The following GLI2 variants were observed in gnomAD, a reference collection of about 807,000 sequenced individuals.
GLI2 encodes GLI family zinc finger 2.
A neutral mutation model predicts 78.9 loss-of-function variants in GLI2; 22 were observed. The ratio of observed to expected loss-of-function variants is 0.28; its 90% CI spans 0.20 to 0.40. The LOEUF is 0.40. Among genes scored for constraint, GLI2 ranks in the 10% least tolerant of loss-of-function variants. GLI2 has a pLI of 1.00. For synonymous variants in GLI2, 974 were observed against 963.7 expected, an observed-to-expected ratio of 1.01 and a Z score of -0.20; for missense variants, 2,097 against 2,213.2, an observed-to-expected ratio of 0.95 and a Z score of 1.05.
At chr2:120,823,023 T>C (rs1685855725) in intron 2 of GLI2, among the ~76,000 whole-genome samples, 1 of 151,796 alleles carries the variant, frequency 6.6e-6, no homozygotes, top group Non-Finnish European at 1.5e-5. Flanking sequence ...TGCACAGAGG[T>C]GGATGTGAGA....
At chr2:120,970,684 T>A (rs987912469) in intron 7 of GLI2, 78 bp downstream of exon 7, 74 of 1,223,166 alleles carry the variant, frequency 6.0e-5, no homozygotes, top group Middle Eastern at 4.0e-4. Context: ...CAGCTCATGC[T>A]AAGAACTTGT....
chr2:120,923,523 C>A (rs1397809370), intron 2 of GLI2, among the ~76,000 whole-genome samples: 1 of 151,786 alleles, frequency 6.6e-6, no homozygotes, highest in East Asian at 1.9e-4. Flanking sequence ...CATATAACAT[C>A]CATGCATATG....
chr2:120,943,158 G>T (rs1222363848), intron 3 of GLI2, among the ~76,000 whole-genome samples: 1 of 152,230 alleles, frequency 6.6e-6, no homozygotes, highest in South Asian at 2.1e-4. Context: ...GCTCAGGTCA[G>T]AGGAAGGAGC....
intron 1 of GLI2, among the ~76,000 whole-genome samples, chr2:120,756,722 T>G (rs1325156441): frequency 6.6e-6 from 1 of 152,236 alleles, no homozygotes; most frequent in Non-Finnish European, 1.5e-5. Context: ...TGGTATCAGA[T>G]GACTTTCTTT....
chr2:120,916,241 C>T (rs1231950835), intron 2 of GLI2, among the ~76,000 whole-genome samples: 3 of 152,242 alleles, frequency 2.0e-5, no homozygotes, highest in African/African-American at 7.2e-5. Context: ...TGTATTACAT[C>T]ATGTGTTCCT....
intron 8 of GLI2, among the ~76,000 whole-genome samples, chr2:120,973,620 A>G (rs957103560): frequency 7.9e-5 from 12 of 152,150 alleles, no homozygotes; most frequent in African/African-American, 2.9e-4. Flanking sequence ...CACTCTCCCC[A>G]TGGTCTCACC....
At chr2:120,818,264 A>G (rs1284840210) in intron 2 of GLI2, among the ~76,000 whole-genome samples, 1 of 152,218 alleles carries the variant, frequency 6.6e-6, no homozygotes, top group African/African-American at 2.4e-5. Context: ...ACACCAGGAC[A>G]GCCAGTGGGT....
In GLI2 at chr2:120,988,235, G is replaced by C; in HGVS notation, c.2270G>C (p.Ser757Thr). Residue 757 changes from serine (S) to threonine (T), a missense_variant, in exon 14 of 14, where the codon AGT becomes ACT. By Grantham distance (58) the Ser-to-Thr change is moderately conservative (BLOSUM62 1). Coordinates refer to ENST00000361492, the MANE Select transcript of GLI2 (RefSeq NM_001374353.1). ...SGSILENFSG[S>T]GGGGPAGLLP... Reference sequence around the variant, plus strand: ...TCCATCCTGGAAAACTTCAGTGGCAGTGGGGGCGGCGGGCCCGCGGGGCTG... The same window carrying C: ...TCCATCCTGGAAAACTTCAGTGGCACTGGGGGCGGCGGGCCCGCGGGGCTG... 6.3e-7 allele frequency: 1 copy of C among 1,588,176 alleles called. No individual in the cohort carries two copies.
rs1462271727 is a variant in GLI2 at position 120,990,559 on chromosome 2, A to T, written c.4594A>T (p.Asn1532Tyr). ...QNSSRLTTPRNSLTLPSIPAG... is the reference protein window; with the variant it reads ...QNSSRLTTPRYSLTLPSIPAG... ...CTCCTCCCGCCTCACCACCCCCCGAAACTCCTTGACCCTGCCCTCCATCCC... is the reference window on the plus strand; with the variant it reads ...CTCCTCCCGCCTCACCACCCCCCGATACTCCTTGACCCTGCCCTCCATCCC... The change falls in exon 14 of 14, where the codon AAC (asparagine) becomes TAC (tyrosine). Residue 1532 changes from asparagine to tyrosine, a missense_variant. Coordinates refer to ENST00000361492, the MANE Select transcript of GLI2 (RefSeq NM_001374353.1). The T allele has an allele frequency of 3.7e-6, 6 of 1,613,676 alleles. No homozygotes were observed. The highest frequency in any genetic ancestry group is 3.3e-5 in the Admixed American group (2 of 59,972).
chr2:120,756,353 A>G lies in GLI2; in HGVS notation c.-31+20068A>G, dbSNP rs144774835. Among the ~76,000 whole-genome samples the G allele has an allele frequency of 3.9e-3, 591 of 152,248 alleles. 6 individuals carry two copies. Among genetic ancestry groups the G allele is most frequent in the Admixed American group, 2.2e-3 (34 of 15,302 alleles). On this transcript the variant is annotated intron_variant, in intron 1 of 13. Coordinates refer to ENST00000361492, the MANE Select transcript of GLI2 (RefSeq NM_001374353.1). ...ACTGTTGTGTTATTTTAAAATTTCA[A>G]TTTGCTAATATTAAAGAATATAATT...
At chr2:120,946,993 A>G (rs1573651619) in intron 3 of GLI2, among the ~76,000 whole-genome samples, 1 of 152,170 alleles carries the variant, frequency 6.6e-6, no homozygotes, top group East Asian at 1.9e-4. Flanking sequence ...CGGTCATCAC[A>G]ACATAGTGGG....
intron 2 of GLI2, among the ~76,000 whole-genome samples, chr2:120,916,214 A>G (rs535267865): frequency 1.3e-5 from 2 of 152,336 alleles, no homozygotes; most frequent in Admixed American, 6.5e-5. Flanking sequence ...GTGCTTCATC[A>G]TGTACCTCTT....
chr2:120,759,804 G>A (rs1202655718), intron 1 of GLI2, among the ~76,000 whole-genome samples: 3 of 152,184 alleles, frequency 2.0e-5, no homozygotes, highest in Non-Finnish European at 2.9e-5. Flanking sequence ...TGGATTTTCA[G>A]GTGACCGGCT....
intron 2 of GLI2, among the ~76,000 whole-genome samples, chr2:120,801,454 A>G (rs1220019030): frequency 6.6e-6 from 1 of 152,140 alleles, no homozygotes; most frequent in African/African-American, 2.4e-5. Flanking sequence ...TGAGTTCTTT[A>G]TATCTGTGAA....
chr2:120,753,027 A>G (rs1682923112), intron 1 of GLI2, among the ~76,000 whole-genome samples: 1 of 152,078 alleles, frequency 6.6e-6, no homozygotes, highest in African/African-American at 2.4e-5. Context: ...TTTGTAGATA[A>G]ATTCCTAGAA....
intron 2 of GLI2, among the ~76,000 whole-genome samples, chr2:120,925,293 C>G (rs972590665): frequency 1.3e-5 from 2 of 152,104 alleles, no homozygotes; most frequent in African/African-American, 4.8e-5. Flanking sequence ...TTTTCCTGGT[C>G]CCCATGGAAA....
In GLI2 at chr2:120,800,301, G is replaced by T. The variant is rs1461611476; in HGVS notation, c.148+2833G>T. On this transcript the variant is annotated intron_variant, in intron 2 of 13. Coordinates refer to ENST00000361492, the MANE Select transcript of GLI2 (RefSeq NM_001374353.1). The surrounding 1 kb of genome is among the most constrained non-coding windows in gnomAD (Gnocchi z 4.1). ...ACGAATCATCTTGGTCTGGGCGACTGCTCTGAGGCCTGTTTGCTGGGGGCA... is the reference window on the plus strand; with the variant it reads ...ACGAATCATCTTGGTCTGGGCGACTTCTCTGAGGCCTGTTTGCTGGGGGCA... Among the ~76,000 whole-genome samples the T allele has an allele frequency of 2.6e-5, 4 of 152,042 alleles. No homozygotes were observed. Among genetic ancestry groups the T allele is most frequent in the Non-Finnish European group, 5.9e-5 (4 of 68,006 alleles).
At chr2:120,776,426 C>G (rs975313734) in intron 1 of GLI2, among the ~76,000 whole-genome samples, 4 of 152,196 alleles carry the variant, frequency 2.6e-5, no homozygotes, top group African/African-American at 9.7e-5. Flanking sequence ...CCTGCTTGCT[C>G]TGGCGTGTTT....
rs1344128728 is a variant in GLI2, at chr2:120,761,693, G to A, written c.-31+25408G>A. Among the ~76,000 whole-genome samples the A allele has an allele frequency of 3.3e-5, 5 of 152,134 alleles. No homozygotes were observed. In the East Asian group the frequency reaches 5.8e-4, roughly 18 times the overall value. ...CCTGCCTCCCTCAAGCTGCCGGCCC[G>A]TTGTTTGCTCCTCCAGCTTCCTGCC... On this transcript the variant is annotated intron_variant, in intron 1 of 13. Coordinates refer to ENST00000361492, the MANE Select transcript of GLI2 (RefSeq NM_001374353.1).
Sources: allele counts gnomAD v4.1 joint callset (sites outside exome capture counted in the v4.1 genomes callset), GRCh38; gene constraint gnomAD v4.1.1; non-coding constraint Gnocchi (gnomAD v3.1); transcripts MANE v1.5; gene names NCBI Gene and HGNC (gene_info 2026-07-23, HGNC 2026-07-21).